The following BEND5 variants were observed in gnomAD, a reference collection of about 807,000 sequenced individuals.
BEND5 encodes the protein BEN domain-containing protein 5.
In BEND5, 22 loss-of-function variants were observed where a neutral mutation model predicts 43.9. The observed-to-expected ratio is 0.50, with a 90% confidence interval of 0.36 to 0.72. The LOEUF (loss-of-function observed/expected upper bound fraction) is 0.72, where lower values mean the gene tolerates loss of function less well. BEND5 is among the 30% of genes least tolerant of loss of function. The probability of loss-of-function intolerance (pLI) is 0.00; values close to 1 mark genes in which losing one functional copy is unlikely to be tolerated. For missense variants in BEND5, 428 were observed against 550.6 expected (o/e 0.78, Z 2.23); for synonymous variants, 228 against 225.9 (o/e 1.01, Z -0.08).
At chr1:48,771,196 C>T (rs548264270) in intron 1 of BEND5, among the ~76,000 whole-genome samples, 1 of 152,154 alleles carries the variant, frequency 6.6e-6, no homozygotes, top group Admixed American at 6.5e-5. Context: ...GAAAATGTCT[C>T]CAGATTACGA....
At chr1:48,760,339 C>A (rs1352437022) in intron 2 of BEND5, among the ~76,000 whole-genome samples, 1 of 152,168 alleles carries the variant, frequency 6.6e-6, no homozygotes, top group Non-Finnish European at 1.5e-5. Flanking sequence ...GAAGTGCAGA[C>A]AACTGAGGAC....
Position 48,736,339 on chromosome 1 carries a change from A to T in BEND5, c.1008T>A (p.Asp336Glu). The T allele has an allele frequency of 5.0e-6, 8 of 1,614,026 alleles. No individual in the cohort carries two copies. Among genetic ancestry groups the T allele is most frequent in the Non-Finnish European group, 6.8e-6 (8 of 1,180,012 alleles). ...CTGTGACGCTTCTGTTTTTCAGAAC[A>T]TCTGTTCCCCAAATCATAACTGCCA... The part of the protein sequence containing the change: ...KNLAVMIWGT[D>E]VLKNRSVTGV... The change falls in exon 5 of 6, where the codon GAT becomes GAA. Residue 336 changes from aspartate (D) to glutamate (E), a missense_variant. By Grantham distance (45) the Asp-to-Glu change is conservative (BLOSUM62 2). This residue lies in a region of BEND5 where 75 missense variants were observed against 148.5 expected (regional missense o/e 0.50). Coordinates refer to ENST00000371833, the MANE Select transcript of BEND5 (RefSeq NM_024603.4). This position sits in a 1 kb window ranked among gnomAD's most constrained non-coding sequence, Gnocchi z 4.0.
In BEND5 at chr1:48,736,429, C is replaced by G. The variant is rs1649065286; in HGVS notation, c.918G>C (p.Trp306Cys). The G allele has an allele frequency of 6.2e-7, 1 of 1,614,022 alleles. No individual in the cohort carries two copies. Among genetic ancestry groups the G allele is most frequent in the Admixed American group, 1.7e-5 (1 of 59,996 alleles). The change falls in exon 5 of 6, where the codon TGG (tryptophan) becomes TGC (cysteine). Residue 306 changes from tryptophan (W) to cysteine (C), a missense_variant. Trp to Cys is a radical substitution (Grantham distance 215). Coordinates refer to ENST00000371833, the MANE Select transcript of BEND5 (RefSeq NM_024603.4). The surrounding 1 kb of genome is among the most constrained non-coding windows in gnomAD (Gnocchi z 4.0). The stretch of plus-strand genomic sequence containing the variant: ...GCTGGTGCCATTTCTCCTCATCAAC[C>G]CAAATCCCGCTTCCCAGATGGACCT... ...NGKVHLGSGI[W>C]VDEEKWHQLQ... is the part of the protein sequence containing the mutation.
intron 3 of BEND5, among the ~76,000 whole-genome samples, chr1:48,745,266 A>G (rs1650561259): frequency 6.6e-6 from 1 of 152,166 alleles, no homozygotes; most frequent in Admixed American, 6.5e-5. Flanking sequence ...GGGTAGAGGC[A>G]TGGACAGGTG....
In BEND5 at chr1:48,736,515, T is replaced by G. The variant is rs1649084478; in HGVS notation, c.895-63A>C. The G allele has an allele frequency of 7.1e-7, 1 of 1,415,060 alleles. No individual in the cohort carries two copies. The highest frequency in any genetic ancestry group is 1.4e-5 in the African/African-American group (1 of 69,810). The allele number at this position is 1,415,060 out of a possible 1,614,324, so 87.7% of individuals were successfully genotyped here. The stretch of plus-strand genomic sequence containing the variant: ...ACAGGAGGGCAGTGGGAGGCTTCTC[T>G]TGTCCTTTAAAAAGCATTGCTGCAC... On this transcript the variant is annotated intron_variant, in intron 4 of 5. Coordinates refer to ENST00000371833, the MANE Select transcript of BEND5 (RefSeq NM_024603.4). The surrounding 1 kb of genome is among the most constrained non-coding windows in gnomAD (Gnocchi z 4.0).
intron 1 of BEND5, among the ~76,000 whole-genome samples, chr1:48,765,340 G>C (rs1197601961): frequency 6.6e-6 from 1 of 152,140 alleles, no homozygotes; most frequent in Admixed American, 6.5e-5. Flanking sequence ...AATCATTAGG[G>C]AAATGCAAAT....
intron 3 of BEND5, among the ~76,000 whole-genome samples, chr1:48,754,634 G>A (rs1445631262): frequency 2.6e-5 from 4 of 152,054 alleles, no homozygotes; most frequent in African/African-American, 7.2e-5. Context: ...GGGGTCACGG[G>A]GCAAAAGTTT....
intron 1 of BEND5, among the ~76,000 whole-genome samples, chr1:48,773,693 G>A (rs575964463): frequency 6.6e-6 from 1 of 152,270 alleles, no homozygotes; most frequent in South Asian, 2.1e-4. Flanking sequence ...TTACAAAGGA[G>A]ACTGCCAAGT....
chr1:48,746,437 G>A (rs771298308), intron 3 of BEND5, among the ~76,000 whole-genome samples: 2 of 152,106 alleles, frequency 1.3e-5, no homozygotes, highest in African/African-American at 2.4e-5. Flanking sequence ...GGTTCACGAC[G>A]GTCCCCTCAA....
chr1:48,729,994 T>C (rs545185406), intron 5 of BEND5, among the ~76,000 whole-genome samples: 12 of 152,238 alleles, frequency 7.9e-5, no homozygotes, highest in African/African-American at 2.9e-4. Flanking sequence ...ACCTTGCTCA[T>C]CTCTGCTTAA....
chr1:48,737,548 C>CA (rs1649266104), intron 4 of BEND5, among the ~76,000 whole-genome samples: 1 of 152,128 alleles, frequency 6.6e-6, no homozygotes, highest in Non-Finnish European at 1.5e-5. Context: ...CCTTCTGGCT[C>CA]AAAACACCTA....
intron 1 of BEND5, among the ~76,000 whole-genome samples, chr1:48,763,530 C>A (rs1269796349): frequency 4.6e-5 from 7 of 151,844 alleles, no homozygotes; most frequent in African/African-American, 1.4e-4. Flanking sequence ...GAGAGAGAGA[C>A]GATGAGGGTG....
At chr1:48,751,493 A>C (rs1219284996) in intron 3 of BEND5, among the ~76,000 whole-genome samples, 3 of 152,194 alleles carry the variant, frequency 2.0e-5, no homozygotes, top group African/African-American at 7.2e-5. Flanking sequence ...GCCTCAGGCA[A>C]GTTACCTAAT....
intron 1 of BEND5, among the ~76,000 whole-genome samples, chr1:48,772,353 A>C (rs1429385945): frequency 1.3e-5 from 2 of 152,216 alleles, no homozygotes; most frequent in Non-Finnish European, 1.5e-5. Context: ...CCTTTATCAC[A>C]GGTGGAGGGG....
At chr1:48,745,057 G>A (rs1008238293) in intron 3 of BEND5, among the ~76,000 whole-genome samples, 9 of 152,152 alleles carry the variant, frequency 5.9e-5, no homozygotes, top group Admixed American at 3.9e-4. Flanking sequence ...TCTGCCTGTC[G>A]GTTTTCAACA....
chr1:48,750,375 T>A (rs1651496295), intron 3 of BEND5, among the ~76,000 whole-genome samples: 1 of 152,210 alleles, frequency 6.6e-6, no homozygotes, highest in South Asian at 2.1e-4. Flanking sequence ...GTTCCTTGAA[T>A]AAGCCAGCCT....
chr1:48,761,286 A>G (rs1215137370), intron 2 of BEND5, 51 bp downstream of exon 2: 23 of 1,507,334 alleles, frequency 1.5e-5, no homozygotes, highest in African/African-American at 2.8e-5. Context: ...TAGCTACGAG[A>G]TATCTGAAAA....
At chr1:48,741,763 A>T (rs752912573) in intron 4 of BEND5, among the ~76,000 whole-genome samples, 1 of 152,246 alleles carries the variant, frequency 6.6e-6, no homozygotes, top group Non-Finnish European at 1.5e-5. Flanking sequence ...AGAAAAATGA[A>T]CCAACACATG....
intron 3 of BEND5, among the ~76,000 whole-genome samples, chr1:48,751,933 C>T (rs1298167206): frequency 6.6e-6 from 1 of 152,178 alleles, no homozygotes; most frequent in African/African-American, 2.4e-5. Flanking sequence ...TAAACTGTGG[C>T]TACTTCTGAT....
Sources: gnomAD v4.1 joint callset for allele counts (sites outside exome capture counted in the v4.1 genomes callset) on GRCh38, gnomAD v4.1.1 for gene constraint, gnomAD v4.1.1 regional missense constraint, Gnocchi (gnomAD v3.1) non-coding constraint, MANE v1.5 for transcripts, NCBI Gene and HGNC (gene_info 2026-07-23, HGNC 2026-07-21) for gene names.